UNC80: variants seen among roughly 807,000 people sequenced by gnomAD.
UNC80 encodes the protein unc-80 subunit of NALCN channel complex.
Under a neutral mutation model 384.6 loss-of-function variants are expected in UNC80, and 164 were observed. The ratio of observed to expected loss-of-function variants is 0.43; its 90% confidence interval spans 0.38 to 0.49. The LOEUF is 0.49. Among genes scored for constraint, UNC80 ranks in the 20% least tolerant of loss-of-function variants. The pLI, the probability that UNC80 is intolerant of heterozygous loss-of-function variation, is 0.00. For synonymous variants in UNC80, 1,486 were observed against 1,527.8 expected (o/e 0.97, Z 0.64); for missense variants, 3,330 against 4,143.0 (o/e 0.80, Z 5.39).
At chr2:209,932,187 G>A (rs2090930523) in intron 38 of UNC80, among the ~76,000 whole-genome samples, 1 of 152,118 alleles carries the variant, frequency 6.6e-6, no homozygotes, top group African/African-American at 2.4e-5. Flanking sequence ...GCTTCTGTGG[G>A]TGCTTTAGAC....
chr2:209,796,568 A>G (rs2078170370), intron 7 of UNC80: 1 of 152,168 alleles, frequency 6.6e-6, no homozygotes, highest in African/African-American at 2.4e-5. Flanking sequence ...ATTCTCATGT[A>G]TTGTGGGAGG....
In UNC80 at chr2:209,993,364, A is replaced by G; in HGVS notation, c.9446A>G (p.Asn3149Ser). ...CAGAAAACTCAGACTGAACCCAGAA[A>G]TCGCCAAGGGGCTCGGCTGTCAACC... ...SRQKTQTEPR[N>S]RQGARLSTTR... is the part of the protein sequence containing the mutation. Residue 3149 changes from asparagine (N) to serine (S), a missense_variant, in exon 63 of 65, where the codon AAT becomes AGT. Around this residue, in one of 8 missense-constraint regions of UNC80, gnomAD observed 236 missense variants for 254.9 expected, o/e 0.93. Coordinates refer to ENST00000673920, the MANE Select transcript of UNC80 (RefSeq NM_001371986.1). 1 of 1,551,910 alleles carries G rather than the reference A, an allele frequency of 6.4e-7. No homozygotes were observed. The highest frequency in any genetic ancestry group is 8.7e-7 in the Non-Finnish European group (1 of 1,147,014).
chr2:209,950,799 C>T (rs538802663), intron 47 of UNC80, among the ~76,000 whole-genome samples: 201 of 152,096 alleles, frequency 1.3e-3, no homozygotes, highest in African/African-American at 4.6e-3. Flanking sequence ...CTCAGGTGAT[C>T]CACCCGTCTC....
chr2:209,988,996 A>T (rs955534390), intron 61 of UNC80, among the ~76,000 whole-genome samples: 1 of 152,116 alleles, frequency 6.6e-6, no homozygotes, highest in African/African-American at 2.4e-5. Flanking sequence ...AATCAGTCAT[A>T]TCTCATTCCC....
chr2:209,823,369 AG>A (rs2080274123), intron 13 of UNC80, among the ~76,000 whole-genome samples: 1 of 152,222 alleles, frequency 6.6e-6, no homozygotes, highest in East Asian at 1.9e-4. Flanking sequence ...TGTGTAAACC[AG>A]TCTTCCAAAT....
chr2:209,822,441 A>G (rs1302030484), intron 13 of UNC80, among the ~76,000 whole-genome samples: 1 of 152,232 alleles, frequency 6.6e-6, no homozygotes, highest in Non-Finnish European at 1.5e-5. Context: ...AAATTTATAA[A>G]CACAGAAACT....
chr2:209,934,107 G>A (rs977090273), intron 39 of UNC80, 102 bp downstream of exon 39: 6 of 1,159,998 alleles, frequency 5.2e-6, no homozygotes, highest in Non-Finnish European at 7.1e-6. Flanking sequence ...AATTTTCAGA[G>A]TTCTAACCCC....
At chr2:209,989,115 C>A (rs1457284971) in intron 61 of UNC80, among the ~76,000 whole-genome samples, 3 of 150,380 alleles carry the variant, frequency 2.0e-5, no homozygotes, top group Non-Finnish European at 2.9e-5. Context: ...GAGTTTGAGA[C>A]CAGCCTGGAC....
intron 29 of UNC80, among the ~76,000 whole-genome samples, chr2:209,909,689 T>G (rs1414152815): frequency 6.6e-6 from 1 of 152,120 alleles, no homozygotes; most frequent in African/African-American, 2.4e-5. Context: ...GTCAAAAAAT[T>G]GGTTTTGCAT....
At chr2:209,909,962 A>G (rs2088718401) in intron 29 of UNC80, among the ~76,000 whole-genome samples, 1 of 151,752 alleles carries the variant, frequency 6.6e-6, no homozygotes. Context: ...AAAGGACAGA[A>G]TTTATCCCTA....
In UNC80 at chr2:209,813,824, A is replaced by G. The variant is rs1357359811; in HGVS notation, c.1183A>G (p.Asn395Asp). ...SMVAAAPSLV[N>D]THKTQDLTMK... ...GGTGGCAGCAGCTCCCTCACTAGTG[A>G]ACACCCACAAAACCCAAGTAAGAAA... is the stretch of plus-strand genomic sequence containing the variant. The change falls in exon 8 of 65, where the codon AAC becomes GAC. Residue 395 changes from asparagine to aspartate, a missense_variant. Around this residue, in one of 8 missense-constraint regions of UNC80, gnomAD observed 937 missense variants for 1,026.8 expected, o/e 0.91. Transcript: ENST00000673920. The G allele has an allele frequency of 6.4e-7, 1 of 1,552,010 alleles. No homozygotes were observed.
intron 28 of UNC80, among the ~76,000 whole-genome samples, chr2:209,902,904 C>CGT (rs56102642): frequency 0.016 from 2,243 of 141,278 alleles, 20 homozygotes; most frequent in East Asian, 0.061. Context: ...CCTGTATACA[C>CGT]GTGTGTGTGT....
At chr2:209,911,377 A>G (rs1270172913) in intron 29 of UNC80, among the ~76,000 whole-genome samples, 1 of 152,222 alleles carries the variant, frequency 6.6e-6, no homozygotes, top group Admixed American at 6.5e-5. Context: ...TATCTCCCCA[A>G]ATAATATGTG....
rs201348827 is a variant in UNC80 at position 209,858,247 on chromosome 2, AC to A, written c.3627+8625del. ...GAACCATTTATTACTATCAAGTGGC[AC>A]GCTGATTTTTAGTAATACTTTCTAC... is the stretch of plus-strand genomic sequence containing the variant. On this transcript the variant is annotated intron_variant, in intron 22 of 64. Coordinates refer to ENST00000673920, the MANE Select transcript of UNC80 (RefSeq NM_001371986.1). Among the ~76,000 whole-genome samples the A allele has an allele frequency of 2.2e-4, 34 of 152,350 alleles. No homozygotes were observed. In the East Asian group the frequency reaches 6.5e-3, roughly 29 times the overall value.
At chr2:209,840,475 G>T in intron 19 of UNC80, 67 bp from the exon 20 acceptor site, 1 of 1,356,480 alleles carries the variant, frequency 7.4e-7, no homozygotes, top group South Asian at 1.3e-5. Context: ...GGCTTATGTT[G>T]ACATTTCTGT....
At chr2:209,937,743 G>A in intron 42 of UNC80, 113 bp downstream of exon 42, 2 of 753,928 alleles carry the variant, frequency 2.7e-6, no homozygotes, top group Non-Finnish European at 2.2e-6. Flanking sequence ...CCTCTCTGGA[G>A]ACAGTAGTTG....
At chr2:209,865,129 A>G (rs2083629924) in intron 22 of UNC80, among the ~76,000 whole-genome samples, 1 of 152,146 alleles carries the variant, frequency 6.6e-6, no homozygotes, top group Non-Finnish European at 1.5e-5. Context: ...CTGCCGCACC[A>G]CACTGCTTTT....
intron 29 of UNC80, among the ~76,000 whole-genome samples, chr2:209,906,581 A>C (rs2088243948): frequency 6.6e-6 from 1 of 152,156 alleles, no homozygotes; most frequent in African/African-American, 2.4e-5. Context: ...TAACCTTAGA[A>C]ATATGGAACA....
intron 35 of UNC80, among the ~76,000 whole-genome samples, chr2:209,922,983 T>C (rs1297967599): frequency 6.6e-6 from 1 of 152,224 alleles, no homozygotes; most frequent in Non-Finnish European, 1.5e-5. Context: ...CCACTTTAAA[T>C]TGGGCAATTT....
Sources: allele counts gnomAD v4.1 joint callset (sites outside exome capture counted in the v4.1 genomes callset), GRCh38; gene constraint gnomAD v4.1.1; regional missense constraint gnomAD v4.1.1; transcripts MANE v1.5; gene names NCBI Gene and HGNC (gene_info 2026-07-23, HGNC 2026-07-21).